The following DENND1B variants were observed in gnomAD, a reference collection of about 807,000 sequenced individuals.
DENND1B encodes DENN domain-containing protein 1B.
A neutral mutation model predicts 90.1 loss-of-function variants in DENND1B; 59 were observed. The observed-to-expected ratio is 0.65, with a 90% CI of 0.53 to 0.81. The LOEUF is 0.81. DENND1B is among the 40% of genes least tolerant of loss of function. The pLI is 0.00. For missense variants in DENND1B, 862 were observed against 912.6 expected (o/e 0.94, Z 0.71); for synonymous variants, 337 against 324.6 (o/e 1.04, Z -0.41).
intron 16 of DENND1B, among the ~76,000 whole-genome samples, chr1:197,551,907 A>G (rs1014164735): frequency 2.6e-5 from 4 of 152,154 alleles, no homozygotes; most frequent in Non-Finnish European, 5.9e-5. Context: ...TTACTTTCTG[A>G]GTCAAGCAAA....
At chr1:197,542,490 A>G (rs1182044039) in intron 18 of DENND1B, among the ~76,000 whole-genome samples, 2 of 152,208 alleles carry the variant, frequency 1.3e-5, no homozygotes, top group African/African-American at 4.8e-5. Flanking sequence ...CTGTACCTTC[A>G]TGTTCTGCTA....
chr1:197,723,981 C>A (rs1208285018), intron 2 of DENND1B, among the ~76,000 whole-genome samples: 3 of 152,044 alleles, frequency 2.0e-5, no homozygotes, highest in Non-Finnish European at 4.4e-5. Flanking sequence ...CATAAAACAG[C>A]TTCATTTTAT....
intron 10 of DENND1B, among the ~76,000 whole-genome samples, chr1:197,623,270 T>A (rs1322833454): frequency 6.6e-6 from 1 of 151,606 alleles, no homozygotes; most frequent in East Asian, 1.9e-4. Context: ...TTAAGCATCA[T>A]AAATAACTAT....
At chr1:197,753,866 G>T (rs1029045034) in intron 2 of DENND1B, among the ~76,000 whole-genome samples, 6 of 151,430 alleles carry the variant, frequency 4.0e-5, no homozygotes, top group Non-Finnish European at 5.9e-5. Flanking sequence ...TGGGTGTGGT[G>T]GCGCACATCT....
At chr1:197,755,722 G>A (rs1382622999) in intron 2 of DENND1B, among the ~76,000 whole-genome samples, 1 of 152,166 alleles carries the variant, frequency 6.6e-6, no homozygotes. Flanking sequence ...GGCTGGGGAG[G>A]CCTCACAACC....
chr1:197,706,627 A>G (rs1304455789), intron 3 of DENND1B, among the ~76,000 whole-genome samples: 1 of 152,222 alleles, frequency 6.6e-6, no homozygotes, highest in Admixed American at 6.5e-5. Flanking sequence ...AGCTGAATAG[A>G]CATCTCTCAA....
chr1:197,702,154 T>C (rs1280223674), intron 3 of DENND1B, among the ~76,000 whole-genome samples: 3 of 152,178 alleles, frequency 2.0e-5, no homozygotes, highest in African/African-American at 7.2e-5. Flanking sequence ...AAAACATCTA[T>C]AAAATAGGAA....
In DENND1B at chr1:197,510,310, A is replaced by G; in HGVS notation, c.*150T>C. The G allele has an allele frequency of 1.2e-6, 1 of 859,036 alleles. No individual in the cohort carries two copies. The highest frequency in any genetic ancestry group is 1.7e-6 in the Non-Finnish European group (1 of 581,182). 53.2% of individuals were successfully genotyped at this position (859,036 alleles called of 1,614,324 possible). A position where few individuals can be genotyped will look rare whatever the true frequency, so the allele number is the denominator to read the frequency against. ...TTATATTTAAAAATCAATGCATTTC[A>G]TATATCCTCGAAATGAACAAGTGAG... is the stretch of plus-strand genomic sequence containing the variant. On this transcript the variant is annotated 3_prime_UTR_variant, in exon 23 of 23. Transcript: ENST00000620048.
intron 18 of DENND1B, among the ~76,000 whole-genome samples, chr1:197,544,057 C>T (rs1571812224): frequency 6.6e-6 from 1 of 152,252 alleles, no homozygotes; most frequent in East Asian, 1.9e-4. Context: ...AACACACTAG[C>T]TTCTCTCCTG....
intron 2 of DENND1B, among the ~76,000 whole-genome samples, chr1:197,729,913 A>C (rs1057362939): frequency 1.3e-5 from 2 of 152,120 alleles, no homozygotes; most frequent in Non-Finnish European, 2.9e-5. Context: ...CATGTCCTGA[A>C]GCCTATGCAA....
chr1:197,746,736 G>T, intron 2 of DENND1B: 1 of 1,084,194 alleles, frequency 9.2e-7, no homozygotes, highest in Non-Finnish European at 1.4e-6. Context: ...ATGTCTTGAA[G>T]CACTCTGGCA....
At chr1:197,585,177 G>A (rs1323304592) in intron 14 of DENND1B, among the ~76,000 whole-genome samples, 1 of 152,050 alleles carries the variant, frequency 6.6e-6, no homozygotes, top group Non-Finnish European at 1.5e-5. Flanking sequence ...ATCATCCCTA[G>A]TTACACTGGG....
At chr1:197,575,106 C>T (rs568752044) in intron 15 of DENND1B, among the ~76,000 whole-genome samples, 2 of 152,042 alleles carry the variant, frequency 1.3e-5, no homozygotes, top group South Asian at 2.1e-4. Flanking sequence ...AATTCAACTA[C>T]ACAGCTTCCG....
intron 7 of DENND1B, among the ~76,000 whole-genome samples, chr1:197,648,441 T>C (rs116787679): frequency 0.011 from 1,612 of 152,296 alleles, 34 homozygotes; most frequent in African/African-American, 0.037. Context: ...TAGCTGGTTT[T>C]TTTGAGATGT....
chr1:197,628,367 C>G (rs529509864), intron 10 of DENND1B, among the ~76,000 whole-genome samples: 3 of 151,884 alleles, frequency 2.0e-5, no homozygotes, highest in African/African-American at 7.3e-5. Context: ...TCAGAAATAA[C>G]GCCGCATAAC....
intron 15 of DENND1B, among the ~76,000 whole-genome samples, chr1:197,577,085 GA>G (rs1673747121): frequency 6.6e-6 from 1 of 152,076 alleles, no homozygotes; most frequent in African/African-American, 2.4e-5. Flanking sequence ...TATAGGCACA[GA>G]AAAAAAGGAG....
chr1:197,672,142 T>G lies in DENND1B; in HGVS notation c.191A>C (p.Gln64Pro). The change falls in exon 5 of 23, where the codon CAA (glutamine) becomes CCA (proline). Residue 64 changes from glutamine (Q) to proline (P), a missense_variant. Transcript: ENST00000620048. ...TACAAAGGTAAAGTGCTGTCCAACT[T>G]GATTCTGAGACACCCTAAAATATAG... is the stretch of plus-strand genomic sequence containing the variant. ...PFDVERVSQN[Q>P]VGQHFTFVLT... 6.2e-7 allele frequency: 1 copy of G among 1,609,986 alleles called. No homozygotes were observed. The highest frequency in any genetic ancestry group is 1.1e-5 in the South Asian group (1 of 90,330).
intron 2 of DENND1B, among the ~76,000 whole-genome samples, chr1:197,726,043 C>T (rs930718085): frequency 6.6e-6 from 1 of 151,742 alleles, no homozygotes; most frequent in Non-Finnish European, 1.5e-5. Context: ...TATGGATATA[C>T]ACACACATAC....
chr1:197,735,466 C>T, intron 2 of DENND1B: 1 of 1,528,414 alleles, frequency 6.5e-7, no homozygotes. Context: ...GGTACATTTC[C>T]TTTGTTAGAA....
Sources: allele counts gnomAD v4.1 joint callset (sites outside exome capture counted in the v4.1 genomes callset), GRCh38; gene constraint gnomAD v4.1.1; transcripts MANE v1.5; gene names NCBI Gene and HGNC (gene_info 2026-07-23, HGNC 2026-07-21).